Variants in CELF4 observed in about 807,000 individuals in gnomAD.
The protein encoded by CELF4 is CUGBP Elav-like family member 4, also known as CUG-BP- and ETR-3-like factor 4.
In CELF4, 18 loss-of-function variants were observed where a neutral mutation model predicts 59.9. That is an observed-to-expected ratio of 0.30 (90% CI 0.21 to 0.45). The LOEUF (loss-of-function observed/expected upper bound fraction) is 0.45. Among genes scored for constraint, CELF4 ranks in the 20% least tolerant of loss-of-function variants. CELF4 has a pLI of 1.00. For synonymous variants in CELF4, 261 were observed against 267.1 expected (o/e 0.98, Z 0.22); for missense variants, 456 against 689.0 (o/e 0.66, Z 3.79).
At chr18:37,455,126 G>C (rs1603641622) in intron 2 of CELF4, among the ~76,000 whole-genome samples, 1 of 152,200 alleles carries the variant, frequency 6.6e-6, no homozygotes, top group African/African-American at 2.4e-5. Flanking sequence ...TTGGATACGA[G>C]AGCCTTTTAT....
At chr18:37,337,594 G>T (rs535767342) in intron 2 of CELF4, among the ~76,000 whole-genome samples, 3 of 152,314 alleles carry the variant, frequency 2.0e-5, no homozygotes, top group South Asian at 4.2e-4. Context: ...AAATGCCCCT[G>T]CAAGGAGGCC....
chr18:37,473,015 TGAACATGTCTGTGACCA>T (rs1354779318), intron 2 of CELF4, among the ~76,000 whole-genome samples: 1 of 152,098 alleles, frequency 6.6e-6, no homozygotes, highest in Non-Finnish European at 1.5e-5. Context: ...TCAGCCTGCT[TGAACATGTCTGTGACCA>T]GAGGCTCACT....
intron 2 of CELF4, among the ~76,000 whole-genome samples, chr18:37,451,755 C>A (rs546790203): frequency 2.2e-4 from 34 of 152,276 alleles, no homozygotes; most frequent in Admixed American, 1.4e-3. Flanking sequence ...CAGCGCTGAG[C>A]GGCCCAAGAA....
intron 3 of CELF4, among the ~76,000 whole-genome samples, chr18:37,283,681 G>A (rs2094410544): frequency 6.6e-6 from 1 of 152,040 alleles, no homozygotes. Context: ...GGAAATGAGT[G>A]TTCCCTGGAG....
chr18:37,250,397 G>A (rs966768250), intron 12 of CELF4, among the ~76,000 whole-genome samples: 1 of 139,840 alleles, frequency 7.2e-6, no homozygotes, highest in Admixed American at 7.2e-5. Flanking sequence ...ACTCCCCACA[G>A]CTGCCCTGCC....
intron 2 of CELF4, among the ~76,000 whole-genome samples, chr18:37,400,946 G>A (rs1033547995): frequency 6.6e-6 from 1 of 152,244 alleles, no homozygotes; most frequent in Non-Finnish European, 1.5e-5. Context: ...GTCACTATGG[G>A]AACAGCTTGA....
chr18:37,317,966 G>A (rs549107303), intron 3 of CELF4, among the ~76,000 whole-genome samples: 1 of 152,354 alleles, frequency 6.6e-6, no homozygotes, highest in South Asian at 2.1e-4. Context: ...GTGGGCTGCA[G>A]CCTGCTCTGT....
intron 1 of CELF4, among the ~76,000 whole-genome samples, chr18:37,499,622 G>T (rs900336895): frequency 6.6e-6 from 1 of 152,222 alleles, no homozygotes; most frequent in African/African-American, 2.4e-5. Context: ...GGCAGGGCTG[G>T]CCCCTCTGCA....
At chr18:37,547,449 C>A (rs2099981820) in intron 1 of CELF4, among the ~76,000 whole-genome samples, 1 of 152,168 alleles carries the variant, frequency 6.6e-6, no homozygotes, top group African/African-American at 2.4e-5. Flanking sequence ...TGCTCACAGG[C>A]CTCCCCTTAC....
At chr18:37,309,698 G>A (rs928307413) in intron 3 of CELF4, among the ~76,000 whole-genome samples, 8 of 151,954 alleles carry the variant, frequency 5.3e-5, no homozygotes. Context: ...CACGAGCAGA[G>A]GTATGCGCGC....
chr18:37,281,412 T>C (rs1335393095), intron 3 of CELF4, among the ~76,000 whole-genome samples: 2 of 152,046 alleles, frequency 1.3e-5, no homozygotes, highest in Non-Finnish European at 2.9e-5. Flanking sequence ...TGTGGGCGAG[T>C]GTTCAGATGG....
At chr18:37,313,994 G>A (rs946389665) in intron 3 of CELF4, among the ~76,000 whole-genome samples, 2 of 152,198 alleles carry the variant, frequency 1.3e-5, no homozygotes, top group South Asian at 2.1e-4. Flanking sequence ...CTGCAGGAAC[G>A]CTGGACACTT....
At chr18:37,360,496 T>C (rs76846741) in intron 2 of CELF4, among the ~76,000 whole-genome samples, 2,635 of 152,274 alleles carry the variant, frequency 0.017, 74 homozygotes, top group African/African-American at 0.061. Flanking sequence ...CCAAGCTCCC[T>C]TCTCGCCCTT....
chr18:37,274,534 C>A (rs2092633170), intron 5 of CELF4, 80 bp from the exon 6 acceptor site: 1 of 1,600,494 alleles, frequency 6.2e-7, no homozygotes, highest in African/African-American at 1.3e-5. Flanking sequence ...CCTGCGCCCA[C>A]CCCGCCCGCT....
intron 2 of CELF4, among the ~76,000 whole-genome samples, chr18:37,393,750 A>G (rs1009235484): frequency 7.0e-6 from 1 of 143,830 alleles, no homozygotes; most frequent in Non-Finnish European, 1.6e-5. Context: ...TTCACCTTTT[A>G]ACTAACAACC....
chr18:37,416,326 C>A (rs554117891), intron 2 of CELF4, among the ~76,000 whole-genome samples: 2 of 152,276 alleles, frequency 1.3e-5, no homozygotes, highest in East Asian at 3.9e-4. Flanking sequence ...TCTTTGACAA[C>A]CCATGCAGAT....
chr18:37,340,628 T>C (rs1448027179), intron 2 of CELF4, among the ~76,000 whole-genome samples: 1 of 152,198 alleles, frequency 6.6e-6, no homozygotes, highest in African/African-American at 2.4e-5. Context: ...GTCAGTGGGC[T>C]TTCTGTCTTC....
At chr18:37,532,447 T>C (rs1042932583) in intron 1 of CELF4, among the ~76,000 whole-genome samples, 1 of 152,200 alleles carries the variant, frequency 6.6e-6, no homozygotes, top group African/African-American at 2.4e-5. Context: ...TGCTATCTTT[T>C]GGGGAGGCTG....
chr18:37,312,325 T>G (rs1020909091), intron 3 of CELF4, among the ~76,000 whole-genome samples: 1 of 152,036 alleles, frequency 6.6e-6, no homozygotes, highest in East Asian at 1.9e-4. Flanking sequence ...GCCTGGCCAG[T>G]TGCTAATCTG....
Sources: gnomAD v4.1 joint callset for allele counts (sites outside exome capture counted in the v4.1 genomes callset) on GRCh38, gnomAD v4.1.1 for gene constraint, MANE v1.5 for transcripts, NCBI Gene and HGNC (gene_info 2026-07-23, HGNC 2026-07-21) for gene names.